CAMK2B: variants seen among roughly 807,000 people sequenced by gnomAD.
The protein encoded by CAMK2B is calcium/calmodulin dependent protein kinase II beta, also known as calcium/calmodulin-dependent protein kinase type II subunit beta.
CAMK2B carries 27 observed loss-of-function variants against 93.7 expected under a neutral mutation model. That is an observed-to-expected ratio of 0.29 (90% CI 0.21 to 0.40). The LOEUF (loss-of-function observed/expected upper bound fraction) is 0.40. Among genes scored for constraint, CAMK2B ranks in the 10% least tolerant of loss-of-function variants. The probability of loss-of-function intolerance (pLI) is 1.00; values close to 1 mark genes in which losing one functional copy is unlikely to be tolerated. For synonymous variants in CAMK2B, 374 were observed against 358.8 expected, an observed-to-expected ratio of 1.04 and a Z score of -0.48; for missense variants, 568 against 895.8, an observed-to-expected ratio of 0.63 and a Z score of 4.67.
At chr7:44,297,846 G>A (rs572567640) in intron 1 of CAMK2B, among the ~76,000 whole-genome samples, 51 of 152,326 alleles carry the variant, frequency 3.3e-4, no homozygotes, top group African/African-American at 1.1e-3. Flanking sequence ...AAAACTGGCC[G>A]GATGCAGTGC....
At chr7:44,237,990 A>G (rs1371134696) in intron 13 of CAMK2B, among the ~76,000 whole-genome samples, 1 of 152,172 alleles carries the variant, frequency 6.6e-6, no homozygotes, top group Non-Finnish European at 1.5e-5. Context: ...CACTCGACAG[A>G]CGGGGTCTCT....
chr7:44,239,765 A>G, intron 12 of CAMK2B, 102 bp from the exon 13 acceptor site: 1 of 821,108 alleles, frequency 1.2e-6, no homozygotes, highest in Non-Finnish European at 2.0e-6. Context: ...AAGCAGAAGA[A>G]GATTAGAGTT....
At position 44,281,673 on chromosome 7, in the gene CAMK2B, C is replaced by T. The variant is rs530614508; in HGVS notation, c.160+2458G>A. Among the ~76,000 whole-genome samples, 105 of 152,302 alleles carry T rather than the reference C, an allele frequency of 6.9e-4. 2 individuals carry two copies. In the South Asian group the frequency reaches 0.021, roughly 31 times the overall value. On this transcript the variant is annotated intron_variant, in intron 2 of 23. Coordinates refer to ENST00000395749, the MANE Select transcript of CAMK2B (RefSeq NM_001220.5). ...ACCCTTGGTCACACCCATAATGACA[C>T]ACTCAGGCTCTCAACCACACGGCTC...
intron 4 of CAMK2B, among the ~76,000 whole-genome samples, chr7:44,255,643 G>A (rs1231652936): frequency 2.6e-5 from 4 of 152,154 alleles, no homozygotes; most frequent in Non-Finnish European, 4.4e-5. Flanking sequence ...TATCTGCCTG[G>A]CAGTTTTCCC....
At position 44,291,177 on chromosome 7, in the gene CAMK2B, T is replaced by C. The variant is rs116103803; in HGVS notation, c.66-6952A>G. 8.8e-3 allele frequency among the ~76,000 whole-genome samples: 1,344 copies of C among 152,290 alleles called. 23 individuals are homozygous for C. The highest frequency in any genetic ancestry group is 0.031 in the African/African-American group (1,280 of 41,546). On this transcript the variant is annotated intron_variant, in intron 1 of 23. Transcript: ENST00000395749. Reference sequence around the variant, plus strand: ...GTCCTGTGGATGCCTGCTTGGTATTTACTCCTCCCCAGCCTCTCTGGCCCT... The same window carrying C: ...GTCCTGTGGATGCCTGCTTGGTATTCACTCCTCCCCAGCCTCTCTGGCCCT...
chr7:44,244,652 A>C (rs2096713481), intron 6 of CAMK2B, among the ~76,000 whole-genome samples: 1 of 151,920 alleles, frequency 6.6e-6, no homozygotes. Context: ...ACCCACTTTT[A>C]ACACTGGTTG....
At chr7:44,298,095 GC>G (rs1192356064) in intron 1 of CAMK2B, among the ~76,000 whole-genome samples, 16 of 152,300 alleles carry the variant, frequency 1.1e-4, no homozygotes, top group African/African-American at 3.4e-4. Context: ...CTGCATTCCA[GC>G]CGGGGTGACA....
intron 2 of CAMK2B, among the ~76,000 whole-genome samples, chr7:44,264,995 C>T (rs1201043602): frequency 1.3e-5 from 2 of 152,196 alleles, no homozygotes; most frequent in African/African-American, 4.8e-5. Context: ...CCCTGACCCC[C>T]ATCCCTCTGG....
At position 44,263,108 on chromosome 7, in the gene CAMK2B, C is replaced by T. The variant is rs115373821; in HGVS notation, c.161-44G>A. 1,120 of 1,585,526 alleles carry T rather than the reference C, an allele frequency of 7.1e-4. 7 individuals are homozygous for T. In the African/African-American group the frequency reaches 0.014, roughly 20 times the overall value. ...AAGGCGTCACCTCCTGCGCCAGCAA[C>T]TGGTGGCCCAGGGATCGTCCATGTC... On this transcript the variant is annotated intron_variant, in intron 2 of 23. Transcript: ENST00000395749.
At chr7:44,241,328 C>T (rs1271822001) in intron 11 of CAMK2B, among the ~76,000 whole-genome samples, 2 of 152,222 alleles carry the variant, frequency 1.3e-5, no homozygotes, top group Admixed American at 6.5e-5. Flanking sequence ...CTCTGCTCTC[C>T]TTACCAAACC....
chr7:44,292,513 T>C (rs1787139453), intron 1 of CAMK2B, among the ~76,000 whole-genome samples: 2 of 152,170 alleles, frequency 1.3e-5, no homozygotes, highest in Non-Finnish European at 2.9e-5. Flanking sequence ...CATAGGACGT[T>C]AACAGATGAT....
rs1444338789 is a variant in CAMK2B, at chr7:44,224,820, G to GT, written c.1597+1695dup. On this transcript the variant is annotated intron_variant, in intron 20 of 23. Coordinates refer to ENST00000395749, the MANE Select transcript of CAMK2B (RefSeq NM_001220.5). This position sits in a 1 kb window ranked among gnomAD's most constrained non-coding sequence, Gnocchi z 4.4. ...GGCACCTGCCCTATTTACACAGCTGGTGGGTGCCTTCTGGAGAAAGGAGGT... is the reference window on the plus strand; with the variant it reads ...GGCACCTGCCCTATTTACACAGCTGGTTGGGTGCCTTCTGGAGAAAGGAGGT... Among the ~76,000 whole-genome samples the GT allele has an allele frequency of 3.3e-5, 5 of 152,258 alleles. No homozygotes were observed. In the East Asian group the frequency reaches 9.7e-4, roughly 29 times the overall value.
At chr7:44,308,435 C>T (rs899488725) in intron 1 of CAMK2B, among the ~76,000 whole-genome samples, 1 of 152,038 alleles carries the variant, frequency 6.6e-6, no homozygotes, top group African/African-American at 2.4e-5. Flanking sequence ...GGGTCCCCAT[C>T]CCCCTGCCCC....
At chr7:44,239,372 G>T (rs1410288845) in intron 13 of CAMK2B, among the ~76,000 whole-genome samples, 1 of 152,220 alleles carries the variant, frequency 6.6e-6, no homozygotes, top group Non-Finnish European at 1.5e-5. Context: ...ACCTAGCCCA[G>T]CCCCTCCTCT....
At chr7:44,239,807 T>A (rs2096659499) in intron 12 of CAMK2B, 144 bp from the exon 13 acceptor site, 3 of 655,272 alleles carry the variant, frequency 4.6e-6, no homozygotes, top group Non-Finnish European at 8.1e-6. Flanking sequence ...TCCAGAATCC[T>A]TTGCTCAAGA....
chr7:44,281,694 G>A (rs987040561), intron 2 of CAMK2B, among the ~76,000 whole-genome samples: 3 of 152,104 alleles, frequency 2.0e-5, no homozygotes, highest in Non-Finnish European at 4.4e-5. Flanking sequence ...TCAACCACAC[G>A]GCTCAGTCTC....
chr7:44,298,630 A>G (rs1239076821), intron 1 of CAMK2B, among the ~76,000 whole-genome samples: 2 of 152,266 alleles, frequency 1.3e-5, no homozygotes, highest in Non-Finnish European at 2.9e-5. Context: ...TTTGCAATTC[A>G]CCTATCTGAT....
At chr7:44,305,503 CA>C (rs927255355) in intron 1 of CAMK2B, among the ~76,000 whole-genome samples, 1 of 152,190 alleles carries the variant, frequency 6.6e-6, no homozygotes, top group South Asian at 2.1e-4. Flanking sequence ...CAAAATGAAA[CA>C]AAAAATCCCC....
intron 21 of CAMK2B, 39 bp downstream of exon 21, chr7:44,220,787 C>T (rs763464585): frequency 2.6e-6 from 4 of 1,561,470 alleles, no homozygotes; most frequent in Non-Finnish European, 3.5e-6. Flanking sequence ...GTCCCACATC[C>T]TTGTCCTGCA....
Sources: allele counts gnomAD v4.1 joint callset (sites outside exome capture counted in the v4.1 genomes callset), GRCh38; gene constraint gnomAD v4.1.1; non-coding constraint Gnocchi (gnomAD v3.1); transcripts MANE v1.5; gene names NCBI Gene and HGNC (gene_info 2026-07-23, HGNC 2026-07-21).